NTM: variants seen among roughly 807,000 people sequenced by gnomAD.
NTM encodes the protein neurotrimin.
In NTM, 13 loss-of-function variants were observed where a neutral mutation model predicts 42.1. The ratio of observed to expected loss-of-function variants is 0.31; its 90% CI spans 0.20 to 0.49. NTM has a LOEUF of 0.49. NTM is among the 20% of genes least tolerant of loss of function. The pLI, the probability that NTM is intolerant of heterozygous loss-of-function variation, is 0.99. For missense variants in NTM, 373 were observed against 452.8 expected (o/e 0.82, Z 1.60); for synonymous variants, 187 against 179.2 (o/e 1.04, Z -0.35).
intron 1 of NTM, among the ~76,000 whole-genome samples, chr11:131,394,064 T>C (rs1366812823): frequency 6.6e-6 from 1 of 152,206 alleles, no homozygotes; most frequent in African/African-American, 2.4e-5. Flanking sequence ...TAATAGGATA[T>C]GAAGAAAATT....
At chr11:131,510,028 A>G (rs142404525) in intron 1 of NTM, among the ~76,000 whole-genome samples, 6 of 152,286 alleles carry the variant, frequency 3.9e-5, no homozygotes, top group African/African-American at 1.4e-4. Flanking sequence ...CCACGTCTCT[A>G]GAGTTTCTTC....
chr11:132,174,541 T>C (rs2076528776), intron 3 of NTM, among the ~76,000 whole-genome samples: 2 of 152,226 alleles, frequency 1.3e-5, no homozygotes, highest in South Asian at 4.1e-4. Flanking sequence ...GGCATTGCTG[T>C]GTCGCCTCTT....
At chr11:132,233,541 A>G (rs1208002351) in intron 4 of NTM, among the ~76,000 whole-genome samples, 1 of 152,198 alleles carries the variant, frequency 6.6e-6, no homozygotes, top group Non-Finnish European at 1.5e-5. Context: ...AAAATTAAAG[A>G]AGAATCATAT....
At chr11:131,784,241 A>G (rs2088714762) in intron 1 of NTM, among the ~76,000 whole-genome samples, 1 of 152,340 alleles carries the variant, frequency 6.6e-6, no homozygotes, top group African/African-American at 2.4e-5. Context: ...GGTTTCTTCT[A>G]AAAATTAACC....
chr11:131,638,034 G>A (rs767655525), intron 1 of NTM, among the ~76,000 whole-genome samples: 4 of 152,088 alleles, frequency 2.6e-5, no homozygotes, highest in South Asian at 2.1e-4. Context: ...TACACCAAGC[G>A]TAACACAAGC....
chr11:132,266,535 T>C (rs2093194604), intron 4 of NTM, among the ~76,000 whole-genome samples: 1 of 152,222 alleles, frequency 6.6e-6, no homozygotes. Context: ...AAGCCACATG[T>C]AATGAGGAGA....
intron 2 of NTM, among the ~76,000 whole-genome samples, chr11:132,068,028 T>C (rs911436132): frequency 1.3e-5 from 2 of 152,204 alleles, no homozygotes; most frequent in African/African-American, 2.4e-5. Flanking sequence ...CCACAGAATT[T>C]CTTAGATAAT....
intron 1 of NTM, among the ~76,000 whole-genome samples, chr11:131,699,501 C>G (rs1453388012): frequency 6.6e-6 from 1 of 152,056 alleles, no homozygotes; most frequent in Admixed American, 6.6e-5. Context: ...TCATATAGAG[C>G]CTGAGAAATC....
intron 1 of NTM, among the ~76,000 whole-genome samples, chr11:131,506,454 C>T (rs985047993): frequency 2.6e-5 from 4 of 152,194 alleles, no homozygotes; most frequent in African/African-American, 7.2e-5. Flanking sequence ...TTTACAACTG[C>T]CATTCTGCAG....
At chr11:131,772,520 C>G (rs2086274428) in intron 1 of NTM, among the ~76,000 whole-genome samples, 1 of 152,160 alleles carries the variant, frequency 6.6e-6, no homozygotes, top group Admixed American at 6.6e-5. Context: ...ATGTCTAGAA[C>G]TGAAGGACAA....
At chr11:132,233,154 C>T (rs11222979) in intron 4 of NTM, among the ~76,000 whole-genome samples, 27 of 152,214 alleles carry the variant, frequency 1.8e-4, no homozygotes, top group African/African-American at 5.8e-4. Flanking sequence ...CGGGGACTCA[C>T]GCCTGTAATC....
At chr11:132,164,206 A>G (rs1361055507) in intron 3 of NTM, among the ~76,000 whole-genome samples, 1 of 152,012 alleles carries the variant, frequency 6.6e-6, no homozygotes, top group African/African-American at 2.4e-5. Flanking sequence ...CTTGGGTTTT[A>G]TGTGTTCTCT....
intron 2 of NTM, among the ~76,000 whole-genome samples, chr11:132,107,350 T>C (rs1275516184): frequency 2.9e-5 from 4 of 136,270 alleles, no homozygotes; most frequent in African/African-American, 1.1e-4. Flanking sequence ...TTTTTTTTTT[T>C]TTTTTTTTTT....
At chr11:131,464,251 G>T (rs971865299) in intron 1 of NTM, among the ~76,000 whole-genome samples, 1 of 152,132 alleles carries the variant, frequency 6.6e-6, no homozygotes, top group East Asian at 1.9e-4. Flanking sequence ...GAATGCGGCA[G>T]GGAGTTGCAA....
chr11:131,707,314 C>A (rs150212184), intron 1 of NTM, among the ~76,000 whole-genome samples: 21 of 151,992 alleles, frequency 1.4e-4, no homozygotes, highest in Non-Finnish European at 2.6e-4. Context: ...CATATTGTTA[C>A]GAATGAAGAA....
intron 1 of NTM, among the ~76,000 whole-genome samples, chr11:131,689,441 A>G (rs1307331736): frequency 6.6e-6 from 1 of 152,230 alleles, no homozygotes; most frequent in Non-Finnish European, 1.5e-5. Context: ...GCACAGGACA[A>G]AAGCTCTTTA....
At chr11:131,871,302 C>T (rs2047754737) in intron 1 of NTM, among the ~76,000 whole-genome samples, 1 of 152,184 alleles carries the variant, frequency 6.6e-6, no homozygotes, top group South Asian at 2.1e-4. Context: ...TTCATTTTAA[C>T]TTTGTGTTCC....
At chr11:132,142,878 C>T (rs886553214) in intron 2 of NTM, among the ~76,000 whole-genome samples, 1 of 152,152 alleles carries the variant, frequency 6.6e-6, no homozygotes, top group Non-Finnish European at 1.5e-5. Context: ...CCGTTTCTGT[C>T]AATTTTCAAT....
chr11:131,795,522 C>T (rs1167267119), intron 1 of NTM: 2 of 985,272 alleles, frequency 2.0e-6, no homozygotes, highest in Non-Finnish European at 2.4e-6. Flanking sequence ...ATTCGTCTGT[C>T]TCATAGCCAG....
Sources: allele counts gnomAD v4.1 joint callset (sites outside exome capture counted in the v4.1 genomes callset), GRCh38; gene constraint gnomAD v4.1.1; transcripts MANE v1.5; gene names NCBI Gene and HGNC (gene_info 2026-07-23, HGNC 2026-07-21).